Variants in TNFRSF19 observed in about 807,000 individuals in gnomAD.
TNFRSF19 encodes the protein TNF receptor superfamily member 19, also known as tumor necrosis factor receptor superfamily member 19.
In TNFRSF19, 27 loss-of-function variants were observed where a neutral mutation model predicts 46.4. The observed-to-expected ratio is 0.58, with a 90% CI of 0.43 to 0.80. TNFRSF19 has a LOEUF of 0.80. TNFRSF19 is among the 30% of genes least tolerant of loss of function. The pLI is 0.00. For synonymous variants in TNFRSF19, 204 were observed against 205.0 expected (o/e 1.00, Z 0.04); for missense variants, 511 against 530.8 (o/e 0.96, Z 0.37).
At chr13:23,578,099 G>A (rs1878088761) in intron 1 of TNFRSF19, among the ~76,000 whole-genome samples, 1 of 152,154 alleles carries the variant, frequency 6.6e-6, no homozygotes, top group South Asian at 2.1e-4. Context: ...AAGGAATTAG[G>A]AGATGCCCTC....
At position 23,674,911 on chromosome 13, in the gene TNFRSF19, T is replaced by C. The variant is rs1463327269; in HGVS notation, c.*1531T>C. 6 of 152,314 alleles carry C rather than the reference T, an allele frequency of 3.9e-5. No homozygotes were observed. Among genetic ancestry groups the C allele is most frequent in the Admixed American group, 1.3e-4 (2 of 15,300 alleles). 9.4% of individuals were successfully genotyped at this position (152,314 alleles called of 1,614,324 possible). A position where few individuals can be genotyped will look rare whatever the true frequency, so the allele number is the denominator to read the frequency against. On this transcript the variant is annotated 3_prime_UTR_variant, in exon 10 of 10. Transcript: ENST00000248484. ...CCTCTTTCTTGTGGCCGTTTCTCCA[T>C]AGTTTTAGGTTTTGATATGTGTTTA... is the stretch of plus-strand genomic sequence containing the variant.
intron 5 of TNFRSF19, among the ~76,000 whole-genome samples, chr13:23,637,317 G>T (rs1855351462): frequency 6.6e-6 from 1 of 152,156 alleles, no homozygotes; most frequent in Non-Finnish European, 1.5e-5. Context: ...TGTGAAGAAG[G>T]CTTGATTTTG....
chr13:23,669,805 C>A (rs758813735), intron 9 of TNFRSF19: 6 of 748,438 alleles, frequency 8.0e-6, no homozygotes, highest in African/African-American at 1.9e-5. Flanking sequence ...GAGGATGTGG[C>A]CTTTGCTGAA....
At chr13:23,575,974 TAAAAAC>T (rs970245798) in intron 1 of TNFRSF19, among the ~76,000 whole-genome samples, 2 of 152,176 alleles carry the variant, frequency 1.3e-5, no homozygotes, top group Non-Finnish European at 2.9e-5. Flanking sequence ...ACATAAATCT[TAAAAAC>T]AAACACCTCT....
rs192455979 is a variant in TNFRSF19, at chr13:23,587,031, C to T, written c.-34-3119C>T. On this transcript the variant is annotated intron_variant, in intron 1 of 9. Coordinates refer to ENST00000248484, the MANE Select transcript of TNFRSF19 (RefSeq NM_148957.4). The stretch of plus-strand genomic sequence containing the variant: ...TGTGGAGACTGGAGGTTTTGGCAAA[C>T]GGTAAAAACCCCAGCATCCAGACCC... 7.2e-3 allele frequency among the ~76,000 whole-genome samples: 1,093 copies of T among 151,962 alleles called. 13 individuals carry two copies. The highest frequency in any genetic ancestry group is 0.024 in the African/African-American group (999 of 41,422).
intron 1 of TNFRSF19, among the ~76,000 whole-genome samples, chr13:23,575,788 A>G (rs1243239086): frequency 6.6e-6 from 1 of 152,220 alleles, no homozygotes; most frequent in Non-Finnish European, 1.5e-5. Context: ...AATGACTAGA[A>G]GTTAGGCAAT....
At chr13:23,626,881 G>A in intron 5 of TNFRSF19, 89 bp downstream of exon 5, 3 of 1,263,842 alleles carry the variant, frequency 2.4e-6, no homozygotes, top group Non-Finnish European at 3.4e-6. Flanking sequence ...CTGGCAGATG[G>A]AGCCAAATCT....
rs1440641214 is a variant in TNFRSF19 at position 23,675,955 on chromosome 13, GC to G, written c.*2576del. The G allele has an allele frequency of 1.3e-5, 2 of 152,116 alleles. No individual in the cohort carries two copies. The highest frequency in any genetic ancestry group is 4.8e-5 in the African/African-American group (2 of 41,430). 9.4% of individuals were successfully genotyped at this position (152,116 alleles called of 1,614,324 possible). Reference sequence around the variant, plus strand: ...AGAAAAAGAAAGGAAAACCATCATTGCTTTATAGTAGCTTATATCAATTTAG... The same window carrying G: ...AGAAAAAGAAAGGAAAACCATCATTGTTTATAGTAGCTTATATCAATTTAG... On this transcript the variant is annotated 3_prime_UTR_variant, in exon 10 of 10. Transcript: ENST00000248484.
intron 5 of TNFRSF19, among the ~76,000 whole-genome samples, chr13:23,634,112 T>G (rs933263471): frequency 6.6e-6 from 1 of 152,344 alleles, no homozygotes; most frequent in African/African-American, 2.4e-5. Flanking sequence ...AGAAATGCCC[T>G]TTTTCTCAAA....
At chr13:23,626,125 C>G (rs1881986599) in intron 4 of TNFRSF19, among the ~76,000 whole-genome samples, 1 of 151,402 alleles carries the variant, frequency 6.6e-6, no homozygotes, top group South Asian at 2.1e-4. Context: ...CTTTGTTTGC[C>G]CGTTACCTAT....
intron 3 of TNFRSF19, among the ~76,000 whole-genome samples, chr13:23,597,740 C>T (rs9580698): frequency 6.6e-6 from 1 of 151,994 alleles, no homozygotes. Flanking sequence ...CTCTCTAACT[C>T]ATTTTATGAG....
rs775072084 is a variant in TNFRSF19 at position 23,593,442 on chromosome 13, T to C, written c.167T>C (p.Met56Thr). Residue 56 changes from methionine to threonine, a missense_variant, in exon 3 of 10, where the codon ATG (methionine) becomes ACG (threonine). Physicochemically the swap from Met to Thr is moderately conservative, Grantham distance 81 (BLOSUM62 -1). Around this residue, in one of 3 missense-constraint regions of TNFRSF19, gnomAD observed 121 missense variants for 124.1 expected, o/e 0.98. Transcript: ENST00000248484. The stretch of plus-strand genomic sequence containing the variant: ...CCCTGCAACCAGTGTGGGCCAGGCA[T>C]GGAGTTGTCTAAGGTATATTGGATA... ...CVPCNQCGPG[M>T]ELSKECGFGY... is the part of the protein sequence containing the mutation. 1.2e-6 allele frequency: 2 copies of C among 1,602,472 alleles called. No homozygotes were observed. The highest frequency in any genetic ancestry group is 2.3e-5 in the South Asian group (2 of 87,966).
chr13:23,668,940 A>C lies in TNFRSF19; in HGVS notation c.1088A>C (p.Gln363Pro). The C allele has an allele frequency of 1.2e-6, 2 of 1,614,294 alleles. No homozygotes were observed. The highest frequency in any genetic ancestry group is 1.7e-6 in the Non-Finnish European group (2 of 1,180,054). Residue 363 changes from glutamine (Q) to proline (P), a missense_variant, in exon 9 of 10, where the codon CAG (glutamine) becomes CCG (proline). Physicochemically the swap from Gln to Pro is moderately conservative, Grantham distance 76 (BLOSUM62 -1). Transcript: ENST00000248484. ...QDLVGGAVPVQSHSENFTAAT... is the reference protein window; with the variant it reads ...QDLVGGAVPVPSHSENFTAAT... The stretch of plus-strand genomic sequence containing the variant: ...TTGGTTGGTGGGGCTGTTCCAGTCC[A>C]GTCTCATTCTGAAAACTTTACAGCA...
intron 1 of TNFRSF19, among the ~76,000 whole-genome samples, chr13:23,584,696 A>G (rs950347238): frequency 1.3e-5 from 2 of 151,944 alleles, no homozygotes; most frequent in Admixed American, 6.6e-5. Context: ...AATTGGAGAT[A>G]CTGTATTTGG....
chr13:23,581,024 C>G (rs976190163), intron 1 of TNFRSF19, among the ~76,000 whole-genome samples: 2 of 152,108 alleles, frequency 1.3e-5, no homozygotes, highest in African/African-American at 4.8e-5. Context: ...CGGAGTGTGT[C>G]TTGCAACTCT....
At chr13:23,661,838 C>A (rs936895316) in intron 7 of TNFRSF19, among the ~76,000 whole-genome samples, 4 of 152,100 alleles carry the variant, frequency 2.6e-5, no homozygotes, top group African/African-American at 9.7e-5. Context: ...ACATGTATGT[C>A]TTCTTTTGAG....
intron 9 of TNFRSF19, among the ~76,000 whole-genome samples, chr13:23,670,132 T>C (rs977303527): frequency 3.9e-5 from 6 of 152,224 alleles, no homozygotes; most frequent in Non-Finnish European, 5.9e-5. Flanking sequence ...AACGCTGATA[T>C]GTTCCTTTTA....
At chr13:23,625,514 G>C (rs1390813736) in intron 4 of TNFRSF19, among the ~76,000 whole-genome samples, 2 of 151,792 alleles carry the variant, frequency 1.3e-5, no homozygotes, top group Non-Finnish European at 2.9e-5. Context: ...ATTTTTAGTA[G>C]AGATGGGGTT....
intron 2 of TNFRSF19, among the ~76,000 whole-genome samples, chr13:23,593,128 T>C (rs980743483): frequency 2.0e-5 from 3 of 152,176 alleles, no homozygotes; most frequent in Non-Finnish European, 4.4e-5. Flanking sequence ...CAATGAGTAT[T>C]CTCTGGAATA....
Sources: allele counts gnomAD v4.1 joint callset (sites outside exome capture counted in the v4.1 genomes callset), GRCh38; gene constraint gnomAD v4.1.1; regional missense constraint gnomAD v4.1.1; transcripts MANE v1.5; gene names NCBI Gene and HGNC (gene_info 2026-07-23, HGNC 2026-07-21).